The following DISP2 variants were observed in gnomAD, a reference collection of about 807,000 sequenced individuals.
The protein encoded by DISP2 is protein dispatched homolog 2.
DISP2 carries 59 observed loss-of-function variants against 95.5 expected under a neutral mutation model. The ratio of observed to expected loss-of-function variants is 0.62; its 90% CI spans 0.50 to 0.77. The LOEUF (loss-of-function observed/expected upper bound fraction) is 0.77, where lower values mean the gene tolerates loss of function less well. DISP2 is among the 30% of genes least tolerant of loss of function. The pLI is 0.00. For missense variants in DISP2, 1,752 were observed against 1,854.6 expected, an observed-to-expected ratio of 0.94 and a Z score of 1.02; for synonymous variants, 827 against 815.0, an observed-to-expected ratio of 1.01 and a Z score of -0.25.
intron 1 of DISP2, among the ~76,000 whole-genome samples, chr15:40,358,921 C>T (rs1889364275): frequency 6.6e-6 from 1 of 152,234 alleles, no homozygotes; most frequent in Admixed American, 6.5e-5. Context: ...GTCTTTGTCA[C>T]CATCAGTCGC....
At chr15:40,366,888 G>C (rs1889504563) in intron 7 of DISP2, among the ~76,000 whole-genome samples, 170 bp from the exon 8 acceptor site, 1 of 152,200 alleles carries the variant, frequency 6.6e-6, no homozygotes, top group South Asian at 2.1e-4. Context: ...TGGCACCTGG[G>C]CCAGGAGCCA....
At chr15:40,362,494 C>CT (rs1889420904) in intron 1 of DISP2, among the ~76,000 whole-genome samples, 1 of 152,226 alleles carries the variant, frequency 6.6e-6, no homozygotes, top group African/African-American at 2.4e-5. Context: ...GTGCAAGGCA[C>CT]TACCAAGGCA....
Position 40,370,469 on chromosome 15 carries a change from C to A in DISP2, c.*151C>A, listed in dbSNP as rs1889624235. ...TGGATGTTAAACCCTGCCAGATGTC[C>A]CAGCCTTGATCTGTCTGCTCCTACT... On this transcript the variant is annotated 3_prime_UTR_variant, in exon 8 of 8. Transcript: ENST00000267889. 7.8e-7 allele frequency: 1 copy of A among 1,282,490 alleles called. No homozygotes were observed. The highest frequency in any genetic ancestry group is 1.5e-5 in the African/African-American group (1 of 67,354). 79.4% of individuals were successfully genotyped at this position (1,282,490 alleles called of 1,614,324 possible). A position where few individuals can be genotyped will look rare whatever the true frequency, so the allele number is the denominator to read the frequency against.
At chr15:40,365,494 C>T in intron 6 of DISP2, 134 bp from the exon 7 acceptor site, 1 of 1,272,322 alleles carries the variant, frequency 7.9e-7, no homozygotes, top group Non-Finnish European at 1.1e-6. Flanking sequence ...GGGACAGGAT[C>T]AGGCAGTCCA....
chr15:40,366,964 G>A, intron 7 of DISP2, 94 bp from the exon 8 acceptor site: 1 of 1,491,678 alleles, frequency 6.7e-7, no homozygotes, highest in Non-Finnish European at 9.0e-7. Flanking sequence ...TTGCCCTGTA[G>A]TGTGAAAGGA....
chr15:40,364,816 T>C, intron 4 of DISP2, 22 bp from the exon 5 acceptor site: 1 of 1,610,194 alleles, frequency 6.2e-7, no homozygotes, highest in Non-Finnish European at 8.5e-7. Flanking sequence ...CCACCTGTTC[T>C]TCTCCACCCT....
chr15:40,365,201 C>T lies in DISP2; in HGVS notation c.774C>T (p.Ser258=), dbSNP rs772432582. The change falls in exon 6 of 8, where the codon AGC becomes AGT. Residue 258 remains serine, a synonymous_variant. Transcript: ENST00000267889. The stretch of plus-strand genomic sequence containing the variant: ...CACCCAGAGGCAGTGCCCAGGAGAG[C>T]GCTGTCCGGCCTCGGAGAATGGTGG... The part of the protein sequence containing the change: ...RPAPRGSAQE[S]AVRPRRMVEP... The T allele has an allele frequency of 2.4e-5, 38 of 1,614,040 alleles. No individual in the cohort carries two copies. The highest frequency in any genetic ancestry group is 3.1e-5 in the Non-Finnish European group (36 of 1,180,042).
chr15:40,368,540 C>T lies in DISP2; in HGVS notation c.2428C>T (p.Arg810Cys). 6.2e-7 allele frequency: 1 copy of T among 1,604,844 alleles called. No homozygotes were observed. Among genetic ancestry groups the T allele is most frequent in the Non-Finnish European group, 8.5e-7 (1 of 1,179,890 alleles). The change falls in exon 8 of 8, where the codon CGC (arginine) becomes TGC (cysteine). Residue 810 changes from arginine to cysteine, a missense_variant. Coordinates refer to ENST00000267889, the MANE Select transcript of DISP2 (RefSeq NM_033510.3). ...CTCGGCCAGCGGCCCTGAGGCCCAG[C>T]GCTGGCTGCTGGCACTCTGTCACCG... The part of the protein sequence containing the change: ...AFSASGPEAQ[R>C]WLLALCHRAR...
rs1889715417 is a variant in DISP2 at position 40,375,283 on chromosome 15, T to A, written c.*4965T>A. 1 of 152,214 alleles carries A rather than the reference T, an allele frequency of 6.6e-6. No individual in the cohort carries two copies. The highest frequency in any genetic ancestry group is 1.5e-5 in the Non-Finnish European group (1 of 68,040). 9.4% of individuals were successfully genotyped at this position (152,214 alleles called of 1,614,324 possible). ...TTGTGATTACTCACATTTTTCTCAA[T>A]ATAGGGGAAAGATCAGCATTTTACC... is the stretch of plus-strand genomic sequence containing the variant. On this transcript the variant is annotated 3_prime_UTR_variant, in exon 8 of 8. Coordinates refer to ENST00000267889, the MANE Select transcript of DISP2 (RefSeq NM_033510.3).
rs768687413 is a variant in DISP2, at chr15:40,364,263, TGGGCCTTCC to T, written c.479+9_479+17del. The stretch of plus-strand genomic sequence containing the variant: ...CTTCCAGATGCCAAAGAGGTAGGCC[TGGGCCTTCC>T]CTGGACCTCTAGGGGTGACCAGGCT... On this transcript the variant is annotated intron_variant, in intron 3 of 7. Transcript: ENST00000267889. The T allele has an allele frequency of 6.2e-7, 1 of 1,614,126 alleles. No individual in the cohort carries two copies. The highest frequency in any genetic ancestry group is 8.5e-7 in the Non-Finnish European group (1 of 1,180,012).
chr15:40,367,980 G>C lies in DISP2; in HGVS notation c.1868G>C (p.Gly623Ala). 6.4e-7 allele frequency: 1 copy of C among 1,554,708 alleles called. No homozygotes were observed. Among genetic ancestry groups the C allele is most frequent in the Non-Finnish European group, 8.6e-7 (1 of 1,157,628 alleles). ...GTTCGCTGCCTCGCCCTCTTCATGGGCACGGCTGTGCTGGTGCACCTGGCG... is the reference window on the plus strand; with the variant it reads ...GTTCGCTGCCTCGCCCTCTTCATGGCCACGGCTGTGCTGGTGCACCTGGCG... ...PAVRCLALFMGTAVLVHLALT... is the reference protein window; with the variant it reads ...PAVRCLALFMATAVLVHLALT... The change falls in exon 8 of 8, where the codon GGC becomes GCC. Residue 623 changes from glycine to alanine, a missense_variant. Gly to Ala is a moderately conservative substitution (Grantham distance 60). This residue lies in a region of DISP2 where 732 missense variants were observed against 714.6 expected (regional missense o/e 1.02). Coordinates refer to ENST00000267889, the MANE Select transcript of DISP2 (RefSeq NM_033510.3).
Position 40,370,193 on chromosome 15 carries a change from T to C in DISP2, c.4081T>C (p.Leu1361=), listed in dbSNP as rs1229973408. ...ATTGCCCGCTTCCCATCACAGCAGC[T>C]TGTCCTGGAAGGGCCGAGGGGGGCC... ...PSLPASHHSS[L]SWKGRGGPGD... is the part of the protein sequence containing the mutation. Residue 1361 remains leucine, a synonymous_variant, in exon 8 of 8, where the codon TTG becomes CTG. Coordinates refer to ENST00000267889, the MANE Select transcript of DISP2 (RefSeq NM_033510.3). The C allele has an allele frequency of 1.2e-6, 2 of 1,611,966 alleles. No homozygotes were observed. Among genetic ancestry groups the C allele is most frequent in the Non-Finnish European group, 1.7e-6 (2 of 1,179,406 alleles).
In DISP2 at chr15:40,368,007, T is replaced by G. The variant is rs1222477766; in HGVS notation, c.1895T>G (p.Leu632Arg). Residue 632 changes from leucine (L) to arginine (R), a missense_variant, in exon 8 of 8, where the codon CTC (leucine) becomes CGC (arginine). Coordinates refer to ENST00000267889, the MANE Select transcript of DISP2 (RefSeq NM_033510.3). Reference sequence around the variant, plus strand: ...ACGGCTGTGCTGGTGCACCTGGCGCTCACGCTGGTCTGGCTGCCCGCCTCC... The same window carrying G: ...ACGGCTGTGCTGGTGCACCTGGCGCGCACGCTGGTCTGGCTGCCCGCCTCC... ...MGTAVLVHLA[L>R]TLVWLPASAV... 6.5e-7 allele frequency: 1 copy of G among 1,537,826 alleles called. No homozygotes were observed. Among genetic ancestry groups the G allele is most frequent in the Non-Finnish European group, 8.7e-7 (1 of 1,148,030 alleles).
rs1889664100 is a variant in DISP2 at position 40,372,624 on chromosome 15, T to A, written c.*2306T>A. On this transcript the variant is annotated 3_prime_UTR_variant, in exon 8 of 8. Coordinates refer to ENST00000267889, the MANE Select transcript of DISP2 (RefSeq NM_033510.3). ...CCTCTCTCTTCATGTCCAGGTAGCATTCGGCCTCTCTGACCTAGAGCTGCT... is the reference window on the plus strand; with the variant it reads ...CCTCTCTCTTCATGTCCAGGTAGCAATCGGCCTCTCTGACCTAGAGCTGCT... 6.6e-6 allele frequency: 1 copy of A among 152,234 alleles called. No individual in the cohort carries two copies. Among genetic ancestry groups the A allele is most frequent in the Non-Finnish European group, 1.5e-5 (1 of 68,054 alleles). 9.4% of individuals were successfully genotyped at this position (152,234 alleles called of 1,614,324 possible). A position where few individuals can be genotyped will look rare whatever the true frequency, so the allele number is the denominator to read the frequency against.
In DISP2 at chr15:40,373,676, C is replaced by G. The variant is rs1170378566; in HGVS notation, c.*3358C>G. The G allele has an allele frequency of 1.3e-5, 2 of 151,086 alleles. No individual in the cohort carries two copies. Among genetic ancestry groups the G allele is most frequent in the East Asian group, 3.9e-4 (2 of 5,130 alleles). The allele number at this position is 151,086 out of a possible 1,614,324, so 9.4% of individuals were successfully genotyped here. A position where few individuals can be genotyped will look rare whatever the true frequency, so the allele number is the denominator to read the frequency against. On this transcript the variant is annotated 3_prime_UTR_variant, in exon 8 of 8. Coordinates refer to ENST00000267889, the MANE Select transcript of DISP2 (RefSeq NM_033510.3). ...CCGAGATCGTGCCACTGCACTCCAG[C>G]CTGGATGACAGAGCAAGACACCGTC... is the stretch of plus-strand genomic sequence containing the variant.
Position 40,368,261 on chromosome 15 carries a change from G to A in DISP2, c.2149G>A (p.Gly717Ser), listed in dbSNP as rs778667274. 6.2e-7 allele frequency: 1 copy of A among 1,609,686 alleles called. No individual in the cohort carries two copies. Among genetic ancestry groups the A allele is most frequent in the Non-Finnish European group, 8.5e-7 (1 of 1,178,772 alleles). The change falls in exon 8 of 8, where the codon GGC (glycine) becomes AGC (serine). Residue 717 changes from glycine to serine, a missense_variant. Gly to Ser is a moderately conservative substitution (Grantham distance 56). Around this residue, in one of 5 missense-constraint regions of DISP2, gnomAD observed 732 missense variants for 714.6 expected, o/e 1.02. Coordinates refer to ENST00000267889, the MANE Select transcript of DISP2 (RefSeq NM_033510.3). ...CTGGTTCGCAGCACTGGCGGCAGGG[G>A]GCGCCTACATCGCCGGAGTCAGCCC... ...ICWFAALAAG[G>S]AYIAGVSPRL...
intron 2 of DISP2, 121 bp from the exon 3 acceptor site, chr15:40,364,105 C>A: frequency 6.5e-7 from 1 of 1,529,158 alleles, no homozygotes; most frequent in African/African-American, 1.4e-5. Context: ...TGGCAAAGCG[C>A]TAAAAGGGTT....
In DISP2 at chr15:40,369,331, A is replaced by T; in HGVS notation, c.3219A>T (p.Ala1073=). 6.2e-7 allele frequency: 1 copy of T among 1,613,390 alleles called. No individual in the cohort carries two copies. The highest frequency in any genetic ancestry group is 8.5e-7 in the Non-Finnish European group (1 of 1,180,036). The part of the protein sequence containing the change: ...TAVGAAALFA[A]GVLMLPATVL... ...TGGGGGCTGCAGCCCTGTTTGCGGC[A>T]GGCGTGCTCATGCTGCCTGCCACAG... Residue 1073 remains alanine, a synonymous_variant, in exon 8 of 8, where the codon GCA becomes GCT. Transcript: ENST00000267889.
chr15:40,363,481 A>G lies in DISP2; in HGVS notation c.120-144A>G, dbSNP rs547121324. The G allele has an allele frequency of 1.0e-4, 64 of 610,208 alleles. No individual in the cohort carries two copies. The South Asian group carries it at 1.7e-3, about 16-fold the overall frequency. The allele number at this position is 610,208 out of a possible 1,614,324, so 37.8% of individuals were successfully genotyped here. On this transcript the variant is annotated intron_variant, in intron 1 of 7. Coordinates refer to ENST00000267889, the MANE Select transcript of DISP2 (RefSeq NM_033510.3). ...CAGACTTCGAGCCCCTGGCCTCCTC[A>G]CCTCTCACTTCTCCCCCAGGACTAA...
Sources: gnomAD v4.1 joint callset for allele counts (sites outside exome capture counted in the v4.1 genomes callset) on GRCh38, gnomAD v4.1.1 for gene constraint, gnomAD v4.1.1 regional missense constraint, MANE v1.5 for transcripts, NCBI Gene and HGNC (gene_info 2026-07-23, HGNC 2026-07-21) for gene names.